The following MYLK variants were observed in gnomAD, a reference collection of about 807,000 sequenced individuals.
MYLK encodes the protein myosin light chain kinase, smooth muscle.
Under a neutral mutation model 203.4 loss-of-function variants are expected in MYLK, and 106 were observed. The observed-to-expected ratio is 0.52, with a 90% CI of 0.45 to 0.61. The LOEUF (loss-of-function observed/expected upper bound fraction) is 0.61, where lower values mean the gene tolerates loss of function less well. Ranked by LOEUF, MYLK falls within the 20% of genes least tolerant of loss-of-function variation. The pLI is 0.00. For missense variants in MYLK, 2,072 were observed against 2,442.3 expected (o/e 0.85, Z 3.20); for synonymous variants, 867 against 959.5 (o/e 0.90, Z 1.78).
intron 4 of MYLK, among the ~76,000 whole-genome samples, chr3:123,758,805 T>C (rs1265892376): frequency 6.6e-6 from 1 of 152,162 alleles, no homozygotes; most frequent in Non-Finnish European, 1.5e-5. Context: ...CAAACAAAGA[T>C]ACAGATTTTT....
chr3:123,754,865 A>T (rs2063315250), intron 4 of MYLK, among the ~76,000 whole-genome samples: 1 of 152,222 alleles, frequency 6.6e-6, no homozygotes, highest in African/African-American at 2.4e-5. Flanking sequence ...AAGGAATTTA[A>T]ATCTAGTAGC....
At chr3:123,801,340 T>G (rs1018812772) in intron 3 of MYLK, among the ~76,000 whole-genome samples, 1 of 152,236 alleles carries the variant, frequency 6.6e-6, no homozygotes, top group African/African-American at 2.4e-5. Context: ...CCATCTACTC[T>G]CATTTCTGTC....
chr3:123,761,815 C>T (rs1238511484), intron 4 of MYLK, among the ~76,000 whole-genome samples: 1 of 152,112 alleles, frequency 6.6e-6, no homozygotes, highest in African/African-American at 2.4e-5. Context: ...CGCCTGAGGT[C>T]AGGAATTTGA....
chr3:123,772,979 T>C (rs1034095278), intron 4 of MYLK, among the ~76,000 whole-genome samples: 1 of 152,050 alleles, frequency 6.6e-6, no homozygotes, highest in African/African-American at 2.4e-5. Context: ...AATTTGGAAA[T>C]AGCTATCCAA....
chr3:123,673,463 A>G (rs538428079), intron 20 of MYLK, among the ~76,000 whole-genome samples: 5 of 151,992 alleles, frequency 3.3e-5, no homozygotes, highest in African/African-American at 1.2e-4. Flanking sequence ...CGCTCTCTGA[A>G]ACAAACAGAT....
chr3:123,665,250 T>C (rs929690468), intron 22 of MYLK, among the ~76,000 whole-genome samples: 4 of 152,216 alleles, frequency 2.6e-5, no homozygotes, highest in Admixed American at 6.5e-5. Context: ...GGCTGCCATA[T>C]TGGATAGCAC....
chr3:123,720,242 C>T (rs555296011), intron 13 of MYLK, among the ~76,000 whole-genome samples: 1 of 152,258 alleles, frequency 6.6e-6, no homozygotes, highest in East Asian at 1.9e-4. Context: ...AGGTCCCAGC[C>T]CCCACAGGCC....
At chr3:123,689,497 C>T (rs1163164050) in intron 19 of MYLK, 1 of 152,120 alleles carries the variant, frequency 6.6e-6, no homozygotes, top group Admixed American at 6.5e-5. Context: ...CTGAGTCCTG[C>T]CAGGATATTT....
intron 18 of MYLK, among the ~76,000 whole-genome samples, chr3:123,697,403 G>A (rs1447335413): frequency 6.6e-6 from 1 of 152,202 alleles, no homozygotes; most frequent in Non-Finnish European, 1.5e-5. Flanking sequence ...CACCATCAGT[G>A]TTTCAACCTT....
rs187347634 is a variant in MYLK, at chr3:123,747,743, T to C, written c.373+4588A>G. ...CTAACCAATCCTGTAAGGTGGGTGA[T>C]CCATCTGAGGTCTGGATCTCCTCTG... On this transcript the variant is annotated intron_variant, in intron 5 of 33. Transcript: ENST00000360304. 2.3e-3 allele frequency among the ~76,000 whole-genome samples: 349 copies of C among 152,336 alleles called. 1 individual carries two copies. The highest frequency in any genetic ancestry group is 8.1e-3 in the African/African-American group (336 of 41,580).
At chr3:123,728,140 C>A (rs1159425222) in intron 11 of MYLK, among the ~76,000 whole-genome samples, 1 of 152,164 alleles carries the variant, frequency 6.6e-6, no homozygotes, top group East Asian at 1.9e-4. Context: ...CAAAAAGAGT[C>A]AAAAGCAACG....
intron 20 of MYLK, among the ~76,000 whole-genome samples, chr3:123,671,942 A>G (rs2059926438): frequency 6.6e-6 from 1 of 152,106 alleles, no homozygotes; most frequent in Admixed American, 6.6e-5. Flanking sequence ...GAGGGCTTCT[A>G]CCGGAGCCCA....
At chr3:123,695,142 C>G (rs2060862565) in intron 18 of MYLK, among the ~76,000 whole-genome samples, 1 of 152,190 alleles carries the variant, frequency 6.6e-6, no homozygotes, top group Non-Finnish European at 1.5e-5. Flanking sequence ...CCTGGAGGCT[C>G]TGCTATAGGG....
At chr3:123,789,267 CAG>C (rs2109078469) in intron 4 of MYLK, among the ~76,000 whole-genome samples, 1 of 152,270 alleles carries the variant, frequency 6.6e-6, no homozygotes, top group African/African-American at 2.4e-5. Context: ...GAGCAGAACA[CAG>C]AGCGCGCGTC....
Position 123,700,869 on chromosome 3 carries a change from C to T in MYLK, c.2599G>A (p.Glu867Lys), listed in dbSNP as rs989370486. ...CTCTTCAGCACCCCTCGCACGTCCT[C>T]GCCGTCTTCCTCCTCTAGCCAACCC... Reference protein sequence around the residue: ...GQGWLEEEDGEDVRGVLKRRV... With the variant: ...GQGWLEEEDGKDVRGVLKRRV... The change falls in exon 18 of 34, where the codon GAG (glutamate) becomes AAG (lysine). Residue 867 changes from glutamate (E) to lysine (K), a missense_variant. By Grantham distance (56) the Glu-to-Lys change is moderately conservative. Transcript: ENST00000360304. 11 of 1,613,436 alleles carry T rather than the reference C, an allele frequency of 6.8e-6. No individual in the cohort carries two copies. Among genetic ancestry groups the T allele is most frequent in the African/African-American group, 6.7e-5 (5 of 74,916 alleles).
chr3:123,652,651 C>T (rs2059255754), intron 24 of MYLK, among the ~76,000 whole-genome samples: 2 of 152,224 alleles, frequency 1.3e-5, no homozygotes, highest in Admixed American at 6.5e-5. Flanking sequence ...GGCTCCAGTT[C>T]TGCAAGAAGC....
At chr3:123,871,059 C>T (rs996277849) in intron 2 of MYLK, among the ~76,000 whole-genome samples, 1 of 151,920 alleles carries the variant, frequency 6.6e-6, no homozygotes, top group Non-Finnish European at 1.5e-5. Context: ...GACCGTTCGC[C>T]TCCTTCCCAT....
chr3:123,701,459 C>T lies in MYLK; in HGVS notation c.2441G>A (p.Ser814Asn), dbSNP rs2108591216. Reference sequence around the variant, plus strand: ...TCACCGTGGAAGGGCTCTGGCAGAGCTGTTCTGTAGCATCAGTGACACCTG... The same window carrying T: ...TCACCGTGGAAGGGCTCTGGCAGAGTTGTTCTGTAGCATCAGTGACACCTG... ...SCQVSLMLQN[S>N]SARALPRGRE... The change falls in exon 17 of 34, where the codon AGC becomes AAC. Residue 814 changes from serine to asparagine, a missense_variant. By Grantham distance (46) the Ser-to-Asn change is conservative. Transcript: ENST00000360304. 1 of 1,614,070 alleles carries T rather than the reference C, an allele frequency of 6.2e-7. No individual in the cohort carries two copies. Among genetic ancestry groups the T allele is most frequent in the East Asian group, 2.2e-5 (1 of 44,860 alleles).
chr3:123,735,589 C>G, intron 8 of MYLK, 173 bp from the exon 9 acceptor site: 2 of 692,708 alleles, frequency 2.9e-6, no homozygotes, highest in South Asian at 3.2e-5. Context: ...AGTACATTGT[C>G]AAAGCTTCAG....
Sources: gnomAD v4.1 joint callset for allele counts (sites outside exome capture counted in the v4.1 genomes callset) on GRCh38, gnomAD v4.1.1 for gene constraint, MANE v1.5 for transcripts, NCBI Gene and HGNC (gene_info 2026-07-23, HGNC 2026-07-21) for gene names.